The following TBC1D12 variants were observed in gnomAD, a reference collection of about 807,000 sequenced individuals.
The protein encoded by TBC1D12 is TBC1 domain family member 12.
A neutral mutation model predicts 86.7 loss-of-function variants in TBC1D12; 56 were observed. The ratio of observed to expected loss-of-function variants is 0.65; its 90% CI spans 0.52 to 0.81. TBC1D12 has a LOEUF of 0.81. Among genes scored for constraint, TBC1D12 ranks in the 30% least tolerant of loss-of-function variants. The probability of loss-of-function intolerance (pLI) is 0.00; values close to 1 mark genes in which losing one functional copy is unlikely to be tolerated. For missense variants in TBC1D12, 1,023 were observed against 1,038.8 expected, an observed-to-expected ratio of 0.98 and a Z score of 0.21; for synonymous variants, 421 against 411.7, an observed-to-expected ratio of 1.02 and a Z score of -0.27.
intron 1 of TBC1D12, among the ~76,000 whole-genome samples, chr10:94,414,600 C>CTTT (rs71031575): frequency 2.6e-4 from 35 of 134,966 alleles, no homozygotes; most frequent in African/African-American, 3.9e-4. Context: ...TACTGTGAAA[C>CTTT]TTTTTTTTTT....
chr10:94,473,185 T>A (rs2055933970), intron 2 of TBC1D12, among the ~76,000 whole-genome samples: 1 of 150,672 alleles, frequency 6.6e-6, no homozygotes, highest in Admixed American at 6.6e-5. Context: ...AAACCCTGTC[T>A]CTACTAAAAA....
At chr10:94,461,345 A>AG (rs2055726788) in intron 2 of TBC1D12, among the ~76,000 whole-genome samples, 1 of 152,172 alleles carries the variant, frequency 6.6e-6, no homozygotes, top group African/African-American at 2.4e-5. Context: ...GAATGGACAG[A>AG]GGGAGCTGGA....
At chr10:94,424,580 G>GATA (rs768742534) in intron 1 of TBC1D12, among the ~76,000 whole-genome samples, 2 of 152,192 alleles carry the variant, frequency 1.3e-5, no homozygotes, top group Non-Finnish European at 2.9e-5. Flanking sequence ...ACTGTGCTGT[G>GATA]ATACTAGCTC....
Position 94,507,254 on chromosome 10 carries a change from C to T in TBC1D12, c.1520-13C>T. ...TATTATTCATACATTTTTGTTCTCC[C>T]CCCAACCCCCAGAACTTTATGAAAT... On this transcript the variant is annotated splice_polypyrimidine_tract_variant and intron_variant, in intron 6 of 12. Transcript: ENST00000225235. 1 of 1,599,740 alleles carries T rather than the reference C, an allele frequency of 6.3e-7. No individual in the cohort carries two copies. The highest frequency in any genetic ancestry group is 8.5e-7 in the Non-Finnish European group (1 of 1,176,840).
At chr10:94,437,991 C>CTTTTTTTTTTTTTTT (rs60477158) in intron 1 of TBC1D12, among the ~76,000 whole-genome samples, 1 of 30,044 alleles carries the variant, frequency 3.3e-5, no homozygotes, top group African/African-American at 1.6e-4. Flanking sequence ...TCTCCTGGAG[C>CTTTTTTTTTTTTTTT]TTTTTTTTTT....
chr10:94,443,542 C>T (rs979090098), intron 2 of TBC1D12, among the ~76,000 whole-genome samples: 1 of 152,216 alleles, frequency 6.6e-6, no homozygotes, highest in African/African-American at 2.4e-5. Context: ...TGTGCTCAGA[C>T]ACTCTGGTGT....
chr10:94,521,236 AAC>A (rs1564990373), intron 9 of TBC1D12, among the ~76,000 whole-genome samples: 1 of 143,042 alleles, frequency 7.0e-6, no homozygotes, highest in African/African-American at 2.7e-5. Context: ...AAAAAAAAAA[AAC>A]AAAAAAAAAA....
At chr10:94,433,140 G>A (rs1441016037) in intron 1 of TBC1D12, among the ~76,000 whole-genome samples, 1 of 152,084 alleles carries the variant, frequency 6.6e-6, no homozygotes, top group Non-Finnish European at 1.5e-5. Flanking sequence ...GGGAGGTGGA[G>A]GTTGCAGTGA....
intron 2 of TBC1D12, among the ~76,000 whole-genome samples, chr10:94,450,339 A>G (rs1279153420): frequency 6.6e-6 from 1 of 151,990 alleles, no homozygotes. Context: ...TATTTTTCTC[A>G]GAGATGACAT....
At chr10:94,447,341 C>T (rs944982977) in intron 2 of TBC1D12, among the ~76,000 whole-genome samples, 1 of 152,004 alleles carries the variant, frequency 6.6e-6, no homozygotes, top group African/African-American at 2.4e-5. Context: ...CACACACACA[C>T]ATCTATATAC....
chr10:94,518,842 A>C (rs1188019931), intron 9 of TBC1D12, among the ~76,000 whole-genome samples: 1 of 152,196 alleles, frequency 6.6e-6, no homozygotes, highest in Non-Finnish European at 1.5e-5. Flanking sequence ...TAGGAGGTCA[A>C]GGCAGGCGGA....
intron 3 of TBC1D12, among the ~76,000 whole-genome samples, chr10:94,476,780 C>T (rs2055993794): frequency 6.6e-6 from 1 of 152,208 alleles, no homozygotes; most frequent in African/African-American, 2.4e-5. Flanking sequence ...TACTCTATTT[C>T]ATATCATATC....
At chr10:94,418,083 G>A (rs1046789299) in intron 1 of TBC1D12, among the ~76,000 whole-genome samples, 3 of 152,082 alleles carry the variant, frequency 2.0e-5, no homozygotes, top group Non-Finnish European at 4.4e-5. Context: ...AAATGGCAAA[G>A]CCTCCAGAGA....
intron 2 of TBC1D12, among the ~76,000 whole-genome samples, chr10:94,457,689 T>A (rs2055648815): frequency 6.6e-6 from 1 of 152,262 alleles, no homozygotes; most frequent in Non-Finnish European, 1.5e-5. Flanking sequence ...GTTGCCTTTA[T>A]AATTTGTTTC....
chr10:94,485,692 T>C (rs2056150932), intron 3 of TBC1D12, among the ~76,000 whole-genome samples: 1 of 152,008 alleles, frequency 6.6e-6, no homozygotes, highest in Non-Finnish European at 1.5e-5. Flanking sequence ...TCTTTAAATG[T>C]TTGGTAGAAT....
At chr10:94,462,751 GTGA>G (rs1321299342) in intron 2 of TBC1D12, among the ~76,000 whole-genome samples, 19 of 152,206 alleles carry the variant, frequency 1.2e-4, no homozygotes, top group African/African-American at 4.3e-4. Context: ...AATGTGGATA[GTGA>G]TGATCTCTCT....
At chr10:94,510,893 A>G (rs1886272) in intron 8 of TBC1D12, among the ~76,000 whole-genome samples, 62,840 of 151,900 alleles carry the variant, frequency 0.41, 13,422 homozygotes, top group East Asian at 0.73. Flanking sequence ...CATTAAGATT[A>G]AAATTATTAA....
At chr10:94,430,993 C>T (rs1182052476) in intron 1 of TBC1D12, among the ~76,000 whole-genome samples, 4 of 151,912 alleles carry the variant, frequency 2.6e-5, no homozygotes, top group South Asian at 2.1e-4. Context: ...TATAGATGGG[C>T]GTGTACATGA....
At chr10:94,528,427 T>A (rs1238546612) in intron 11 of TBC1D12, among the ~76,000 whole-genome samples, 1 of 152,278 alleles carries the variant, frequency 6.6e-6, no homozygotes, top group Non-Finnish European at 1.5e-5. Flanking sequence ...ATCTTTTGTT[T>A]TAACTTGGAG....
Sources: gnomAD v4.1 joint callset for allele counts (sites outside exome capture counted in the v4.1 genomes callset) on GRCh38, gnomAD v4.1.1 for gene constraint, MANE v1.5 for transcripts, NCBI Gene and HGNC (gene_info 2026-07-23, HGNC 2026-07-21) for gene names.